Variants in SEH1L observed in about 807,000 individuals in gnomAD.
SEH1L encodes nucleoporin SEH1.
In SEH1L, 18 loss-of-function variants were observed where a neutral mutation model predicts 49.5. The ratio of observed to expected loss-of-function variants is 0.36; its 90% CI spans 0.25 to 0.54. The LOEUF (loss-of-function observed/expected upper bound fraction) is 0.54, where lower values mean the gene tolerates loss of function less well. Ranked by LOEUF, SEH1L falls within the 20% of genes least tolerant of loss-of-function variation. The probability of loss-of-function intolerance (pLI) is 0.87; values close to 1 mark genes in which losing one functional copy is unlikely to be tolerated. For synonymous variants in SEH1L, 169 were observed against 178.1 expected (o/e 0.95, Z 0.41); for missense variants, 404 against 528.8 (o/e 0.76, Z 2.31).
chr18:12,948,371 T>C, intron 1 of SEH1L, 139 bp downstream of exon 1: 1 of 621,044 alleles, frequency 1.6e-6, no homozygotes, highest in Non-Finnish European at 2.7e-6. Context: ...CTGGCTGGAC[T>C]GAGCGGAAGC....
intron 3 of SEH1L, 82 bp downstream of exon 3, chr18:12,955,691 T>C: frequency 7.1e-7 from 1 of 1,403,074 alleles, no homozygotes; most frequent in Non-Finnish European, 9.9e-7. Context: ...CTCAGATAAT[T>C]GGTAAAATAT....
chr18:12,952,440 C>T (rs1249771506), intron 2 of SEH1L, among the ~76,000 whole-genome samples: 1 of 152,082 alleles, frequency 6.6e-6, no homozygotes, highest in Non-Finnish European at 1.5e-5. Context: ...GCCATGTTGG[C>T]CAGGCTGGTC....
chr18:12,973,905 C>T (rs1218230270), intron 5 of SEH1L: 1 of 152,188 alleles, frequency 6.6e-6, no homozygotes, highest in Non-Finnish European at 1.5e-5. Flanking sequence ...TCAGGTTTTA[C>T]ATGCTAATAC....
intron 5 of SEH1L, chr18:12,972,523 T>C (rs963290215): frequency 2.0e-5 from 3 of 152,222 alleles, no homozygotes; most frequent in African/African-American, 7.2e-5. Context: ...GGTGATCAGA[T>C]GGGCTTCGCA....
intron 3 of SEH1L, among the ~76,000 whole-genome samples, chr18:12,957,837 C>T (rs1171328103): frequency 6.6e-6 from 1 of 152,058 alleles, no homozygotes; most frequent in African/African-American, 2.4e-5. Context: ...CCACCTTAGC[C>T]CCACAAGTAG....
intron 3 of SEH1L, among the ~76,000 whole-genome samples, chr18:12,958,895 T>C (rs2031033995): frequency 6.6e-6 from 1 of 152,212 alleles, no homozygotes; most frequent in Non-Finnish European, 1.5e-5. Flanking sequence ...CATATGGTAG[T>C]TCTATGTTTC....
At position 12,948,030 on chromosome 18, in the gene SEH1L, CG is replaced by C; in HGVS notation, c.-89del. 1.1e-6 allele frequency: 1 copy of C among 897,650 alleles called. No homozygotes were observed. Among genetic ancestry groups the C allele is most frequent in the East Asian group, 2.7e-5 (1 of 37,240 alleles). 55.6% of individuals were successfully genotyped at this position (897,650 alleles called of 1,614,324 possible). A position where few individuals can be genotyped will look rare whatever the true frequency, so the allele number is the denominator to read the frequency against. Reference sequence around the variant, plus strand: ...GTGGGCAGCACAAGCCGTGCGCTCCCGGGCTGCGAGGTCTGGCTAGGCTACG... The same window carrying C: ...GTGGGCAGCACAAGCCGTGCGCTCCCGGCTGCGAGGTCTGGCTAGGCTACG... On this transcript the variant is annotated 5_prime_UTR_variant, in exon 1 of 9. Coordinates refer to ENST00000399892, the MANE Select transcript of SEH1L (RefSeq NM_001013437.2).
chr18:12,955,270 G>T (rs992114854), intron 2 of SEH1L, among the ~76,000 whole-genome samples, 193 bp from the exon 3 acceptor site: 1 of 150,706 alleles, frequency 6.6e-6, no homozygotes, highest in South Asian at 2.1e-4. Flanking sequence ...TCTTCTAAAG[G>T]TTAAAACATT....
At chr18:12,980,385 T>A (rs1598977777) in intron 6 of SEH1L, among the ~76,000 whole-genome samples, 1 of 83,310 alleles carries the variant, frequency 1.2e-5, no homozygotes, top group African/African-American at 4.8e-5. Flanking sequence ...CCCCCCCACC[T>A]CCCTCCCGGA....
At chr18:12,977,978 A>G (rs2031995058) in intron 5 of SEH1L, 1 of 152,086 alleles carries the variant, frequency 6.6e-6, no homozygotes, top group Non-Finnish European at 1.5e-5. Flanking sequence ...ATGGGTGTGC[A>G]CCACCATGCC....
intron 1 of SEH1L, 52 bp from the exon 2 acceptor site, chr18:12,951,803 A>G (rs1422800448): frequency 2.7e-6 from 3 of 1,101,832 alleles, no homozygotes; most frequent in African/African-American, 3.2e-5. Context: ...TAGTTTTTGT[A>G]TCAATTTGTA....
At chr18:12,971,278 T>C in intron 5 of SEH1L, 27 bp downstream of exon 5, 1 of 1,331,362 alleles carries the variant, frequency 7.5e-7, no homozygotes, top group Non-Finnish European at 1.1e-6. Context: ...TTTTAATAAT[T>C]GTTCAGAATT....
chr18:12,980,268 T>G (rs868677112), intron 6 of SEH1L, among the ~76,000 whole-genome samples: 1 of 56,934 alleles, frequency 1.8e-5, no homozygotes, highest in South Asian at 7.4e-4. Flanking sequence ...TCCCTCCCGG[T>G]CGGGGCGGCT....
At chr18:12,960,740 G>A (rs937748333) in intron 3 of SEH1L, among the ~76,000 whole-genome samples, 2 of 152,124 alleles carry the variant, frequency 1.3e-5, no homozygotes, top group African/African-American at 2.4e-5. Flanking sequence ...GCATAAGAAG[G>A]ACTTTTCTTT....
intron 5 of SEH1L, chr18:12,978,509 T>C (rs931925428): frequency 1.6e-5 from 6 of 386,196 alleles, no homozygotes; most frequent in Admixed American, 1.2e-4. Flanking sequence ...CCACCCTAAA[T>C]CTCGGATGTC....
chr18:12,978,945 CTTTG>C (rs2032042344), intron 6 of SEH1L, 53 bp downstream of exon 6: 7 of 1,561,044 alleles, frequency 4.5e-6, no homozygotes, highest in Admixed American at 3.4e-5. Context: ...TTCTGATTAC[CTTTG>C]TTTGTGGAGG....
intron 4 of SEH1L, among the ~76,000 whole-genome samples, chr18:12,969,397 A>G (rs992011247): frequency 6.6e-6 from 1 of 151,956 alleles, no homozygotes; most frequent in Non-Finnish European, 1.5e-5. Flanking sequence ...TCAATTAAAA[A>G]AAAAAATCTT....
rs769046151 is a variant in SEH1L, at chr18:12,986,927, TTCC to T, written c.1154_1156del (p.Pro385del). ...AGATGGTCCAGTTATGCCCAGCTCCTTCCTCCTCCTCCTCCTCCTCTGGTAGAG... is the reference window on the plus strand; with the variant it reads ...AGATGGTCCAGTTATGCCCAGCTCCTTCCTCCTCCTCCTCCTCTGGTAGAG... On this transcript the variant is annotated inframe_deletion, in exon 9 of 9. Coordinates refer to ENST00000399892, the MANE Select transcript of SEH1L (RefSeq NM_001013437.2). 3.0e-3 allele frequency: 4,457 copies of T among 1,488,572 alleles called. No homozygotes were observed. The highest frequency in any genetic ancestry group is 6.7e-3 in the South Asian group (506 of 75,204). 92.2% of individuals were successfully genotyped at this position (1,488,572 alleles called of 1,614,324 possible).
At chr18:12,955,147 C>T (rs182717611) in intron 2 of SEH1L, among the ~76,000 whole-genome samples, 2,954 of 151,432 alleles carry the variant, frequency 0.02, 17 homozygotes, top group Non-Finnish European at 0.029. Context: ...TGAAGCAACT[C>T]TCCAACTATC....
Sources: gnomAD v4.1 joint callset for allele counts (sites outside exome capture counted in the v4.1 genomes callset) on GRCh38, gnomAD v4.1.1 for gene constraint, MANE v1.5 for transcripts, NCBI Gene and HGNC (gene_info 2026-07-23, HGNC 2026-07-21) for gene names.